The following MAP4K4 variants were observed in gnomAD, a reference collection of about 807,000 sequenced individuals.
The protein encoded by MAP4K4 is mitogen-activated protein kinase kinase kinase kinase 4.
In MAP4K4, 38 loss-of-function variants were observed where a neutral mutation model predicts 189.6. The ratio of observed to expected loss-of-function variants is 0.20; its 90% CI spans 0.15 to 0.26. The LOEUF (loss-of-function observed/expected upper bound fraction) is 0.26, where lower values mean the gene tolerates loss of function less well. Among genes scored for constraint, MAP4K4 ranks in the 10% least tolerant of loss-of-function variants. The pLI is 1.00. For missense variants in MAP4K4, 1,054 were observed against 1,726.9 expected, an observed-to-expected ratio of 0.61 and a Z score of 6.91; for synonymous variants, 610 against 624.3, an observed-to-expected ratio of 0.98 and a Z score of 0.34.
rs551573968 is a variant in MAP4K4 at position 101,856,820 on chromosome 2, A to G, written c.1395+682A>G. Among the ~76,000 whole-genome samples the G allele has an allele frequency of 1.6e-3, 246 of 152,316 alleles. 5 individuals are homozygous for G. In the South Asian group the frequency reaches 0.033, roughly 20 times the overall value. The stretch of plus-strand genomic sequence containing the variant: ...TGAGCTTGGAATAAAGAAAAAAATG[A>G]TATGTGAGGACCAATTTAAATAGCA... On this transcript the variant is annotated intron_variant, in intron 13 of 32. Coordinates refer to ENST00000324219, the Ensembl canonical transcript of MAP4K4.
chr2:101,772,898 C>T (rs576061164), intron 2 of MAP4K4, among the ~76,000 whole-genome samples: 7 of 152,334 alleles, frequency 4.6e-5, no homozygotes, highest in Admixed American at 3.9e-4. Context: ...CACTGCCTCC[C>T]TGTCTGAACC....
At chr2:101,815,375 G>A (rs563547255) in intron 3 of MAP4K4, among the ~76,000 whole-genome samples, 1 of 152,264 alleles carries the variant, frequency 6.6e-6, no homozygotes, top group East Asian at 1.9e-4. Flanking sequence ...AGCAAATTGG[G>A]TGTCAGGTTC....
chr2:101,699,874 C>G (rs558663594), intron 2 of MAP4K4, among the ~76,000 whole-genome samples: 1 of 152,326 alleles, frequency 6.6e-6, no homozygotes, highest in East Asian at 1.9e-4. Context: ...GCCCCGTTAA[C>G]TCAGCTTGCC....
chr2:101,818,971 TTTTG>T (rs1448325377), intron 3 of MAP4K4, among the ~76,000 whole-genome samples: 1 of 152,184 alleles, frequency 6.6e-6, no homozygotes, highest in African/African-American at 2.4e-5. Context: ...TTACTCTTGA[TTTTG>T]TTTTTCATTT....
At chr2:101,752,596 A>C (rs1456251634) in intron 2 of MAP4K4, among the ~76,000 whole-genome samples, 3 of 152,184 alleles carry the variant, frequency 2.0e-5, no homozygotes, top group Non-Finnish European at 4.4e-5. Flanking sequence ...AAGAAAGAGG[A>C]TGACATTGAT....
chr2:101,711,820 T>C (rs1304821452), intron 2 of MAP4K4, among the ~76,000 whole-genome samples: 1 of 151,080 alleles, frequency 6.6e-6, no homozygotes, highest in Non-Finnish European at 1.5e-5. Context: ...GTTAATTAGC[T>C]GAAAATATAT....
At chr2:101,763,330 A>G (rs1435000620) in intron 2 of MAP4K4, among the ~76,000 whole-genome samples, 2 of 152,196 alleles carry the variant, frequency 1.3e-5, no homozygotes, top group Non-Finnish European at 2.9e-5. Context: ...ACAGAATCAC[A>G]TTGCAAAGAG....
chr2:101,850,749 T>C (rs2097259152), intron 12 of MAP4K4, among the ~76,000 whole-genome samples: 1 of 152,222 alleles, frequency 6.6e-6, no homozygotes, highest in Admixed American at 6.5e-5. Context: ...TCATAAGTTC[T>C]TAAATATTCT....
intron 2 of MAP4K4, among the ~76,000 whole-genome samples, chr2:101,699,155 C>T (rs897182627): frequency 6.6e-6 from 1 of 152,280 alleles, no homozygotes; most frequent in Admixed American, 6.5e-5. Context: ...CCAGGAATAA[C>T]CTGTTTGACA....
intron 26 of MAP4K4, among the ~76,000 whole-genome samples, chr2:101,876,302 G>A (rs953532544): frequency 3.3e-5 from 5 of 152,210 alleles, no homozygotes; most frequent in Non-Finnish European, 7.3e-5. Context: ...CTCCACTGAG[G>A]AAGCAGAGGG....
intron 14 of MAP4K4, among the ~76,000 whole-genome samples, chr2:101,859,401 A>G (rs972354451): frequency 2.6e-5 from 4 of 152,338 alleles, no homozygotes; most frequent in East Asian, 1.9e-4. Flanking sequence ...CCTAGTATCT[A>G]TACCACTAAA....
chr2:101,860,502 G>GT (rs1439683023), intron 15 of MAP4K4: 8 of 205,266 alleles, frequency 3.9e-5, no homozygotes, highest in Non-Finnish European at 7.9e-5. Context: ...TCTGATGATA[G>GT]TTTTTTAGTC....
intron 28 of MAP4K4, 149 bp downstream of exon 28, chr2:101,882,834 C>A: frequency 2.4e-6 from 2 of 822,892 alleles, no homozygotes; most frequent in Non-Finnish European, 3.7e-6. Context: ...TTTCTGTTTC[C>A]AAGGCACATT....
At chr2:101,844,382 C>G in intron 12 of MAP4K4, 71 bp downstream of exon 12, 1 of 1,255,900 alleles carries the variant, frequency 8.0e-7, no homozygotes, top group Non-Finnish European at 1.1e-6. Context: ...GTTAGCCACT[C>G]AGAGGAATAT....
intron 13 of MAP4K4, among the ~76,000 whole-genome samples, chr2:101,857,540 G>C (rs535001672): frequency 5.3e-5 from 8 of 152,286 alleles, no homozygotes; most frequent in Middle Eastern, 3.4e-3. Context: ...AAAATGAGTT[G>C]AAAGTCAGGT....
At chr2:101,806,139 T>C (rs1472999554) in intron 3 of MAP4K4, among the ~76,000 whole-genome samples, 1 of 152,174 alleles carries the variant, frequency 6.6e-6, no homozygotes, top group Admixed American at 6.6e-5. Flanking sequence ...TCATTCTTAT[T>C]TTTAATGAGA....
intron 9 of MAP4K4, among the ~76,000 whole-genome samples, chr2:101,836,542 C>A (rs1278681154): frequency 1.3e-5 from 2 of 151,876 alleles, no homozygotes. Flanking sequence ...GAGCCGAGAT[C>A]ACGCCATTGC....
intron 12 of MAP4K4, among the ~76,000 whole-genome samples, chr2:101,852,113 A>G (rs2149718811): frequency 6.6e-6 from 1 of 151,594 alleles, no homozygotes; most frequent in Admixed American, 6.6e-5. Flanking sequence ...GACCTTATAC[A>G]ATATCTGGAG....
chr2:101,814,139 G>C (rs1159896169), intron 3 of MAP4K4, among the ~76,000 whole-genome samples: 1 of 152,216 alleles, frequency 6.6e-6, no homozygotes, highest in Non-Finnish European at 1.5e-5. Context: ...GCTGTGAGAA[G>C]TGTTGAGTGA....
Sources: gnomAD v4.1 joint callset for allele counts (sites outside exome capture counted in the v4.1 genomes callset) on GRCh38, gnomAD v4.1.1 for gene constraint, MANE v1.5 for transcripts, NCBI Gene and HGNC (gene_info 2026-07-23, HGNC 2026-07-21) for gene names.